The following SLC23A1 variants were observed in gnomAD, a reference collection of about 807,000 sequenced individuals.
SLC23A1 encodes the protein Na(+)/L-ascorbic acid transporter 1.
SLC23A1 carries 31 observed loss-of-function variants against 62.5 expected under a neutral mutation model. The observed-to-expected ratio is 0.50, with a 90% CI of 0.37 to 0.67. The LOEUF (loss-of-function observed/expected upper bound fraction) is 0.67, where lower values mean the gene tolerates loss of function less well. Ranked by LOEUF, SLC23A1 falls within the 30% of genes least tolerant of loss-of-function variation. The pLI, the probability that SLC23A1 is intolerant of heterozygous loss-of-function variation, is 0.00. For synonymous variants in SLC23A1, 271 were observed against 313.2 expected (o/e 0.87, Z 1.42); for missense variants, 640 against 782.7 (o/e 0.82, Z 2.18).
At chr5:139,374,887 G>C (rs6596473) in intron 13 of SLC23A1, among the ~76,000 whole-genome samples, 65,566 of 152,022 alleles carry the variant, frequency 0.43, 15,875 homozygotes, top group East Asian at 0.67. Context: ...GACTGTCTCA[G>C]GCCCATAGGA....
intron 13 of SLC23A1, among the ~76,000 whole-genome samples, chr5:139,375,769 A>T (rs1258186285): frequency 6.7e-6 from 1 of 150,020 alleles, no homozygotes; most frequent in Non-Finnish European, 1.5e-5. Context: ...CAGGAGGCGG[A>T]GGTGGCAGTG....
chr5:139,367,489 T>C lies in SLC23A1; in HGVS notation c.*162A>G, dbSNP rs935009684. 1 of 152,110 alleles carries C rather than the reference T, an allele frequency of 6.6e-6. No individual in the cohort carries two copies. Among genetic ancestry groups the C allele is most frequent in the Non-Finnish European group, 1.5e-5 (1 of 67,996 alleles). 9.4% of individuals were successfully genotyped at this position (152,110 alleles called of 1,614,324 possible). Reference sequence around the variant, plus strand: ...CCATTCCCCCCCACCCCTTTTTTTTTAACTGATGCAAAAATTTGAATCCCA... The same window carrying C: ...CCATTCCCCCCCACCCCTTTTTTTTCAACTGATGCAAAAATTTGAATCCCA... On this transcript the variant is annotated 3_prime_UTR_variant, in exon 15 of 15. Coordinates refer to ENST00000348729, the MANE Select transcript of SLC23A1 (RefSeq NM_005847.5).
At chr5:139,384,693 T>C (rs1758441877), upstream of SLC23A1, 1 of 1,197,498 alleles carries the variant, frequency 8.4e-7, no homozygotes, top group Non-Finnish European at 1.1e-6. Flanking sequence ...ACAACACGCA[T>C]AGAGAACAAG....
At chr5:139,371,759 A>G (rs1757682752) in intron 14 of SLC23A1, among the ~76,000 whole-genome samples, 1 of 152,214 alleles carries the variant, frequency 6.6e-6, no homozygotes. Context: ...GCATACTTGT[A>G]GCCTCTTAGT....
At chr5:139,376,681 G>A (rs1757964478) in intron 13 of SLC23A1, among the ~76,000 whole-genome samples, 1 of 152,212 alleles carries the variant, frequency 6.6e-6, no homozygotes, top group Non-Finnish European at 1.5e-5. Context: ...GGTACCAAAG[G>A]GAAATGTTAG....
In SLC23A1 at chr5:139,372,049, G is replaced by C. The variant is rs569913696; in HGVS notation, c.1754C>G (p.Thr585Ser). The change falls in exon 14 of 15, where the codon ACT becomes AGT. Residue 585 changes from threonine (T) to serine (S), a missense_variant. Coordinates refer to ENST00000348729, the MANE Select transcript of SLC23A1 (RefSeq NM_005847.5). ...SKDQIAIPEDTPENTETASVC... is the reference protein window; with the variant it reads ...SKDQIAIPEDSPENTETASVC... ...AGATGCAGTTTCTGTATTTTCTGGA[G>C]TGTCTTCTGGAATTGCAATCTGATC... The C allele has an allele frequency of 1.4e-5, 23 of 1,613,316 alleles. No homozygotes were observed. Among genetic ancestry groups the C allele is most frequent in the Non-Finnish European group, 2.0e-5 (23 of 1,179,336 alleles).
intron 4 of SLC23A1, 27 bp downstream of exon 4, chr5:139,380,771 C>A: frequency 6.6e-7 from 1 of 1,507,478 alleles, no homozygotes. Flanking sequence ...CCCTTTTCCC[C>A]AGTGCAGACC....
intron 13 of SLC23A1, among the ~76,000 whole-genome samples, chr5:139,373,558 G>A (rs1157674384): frequency 6.6e-6 from 1 of 151,520 alleles, no homozygotes; most frequent in Non-Finnish European, 1.5e-5. Context: ...AGAGGGCTGG[G>A]ATCGACAAAG....
intron 13 of SLC23A1, among the ~76,000 whole-genome samples, chr5:139,374,346 G>A (rs1422430749): frequency 6.6e-6 from 1 of 152,184 alleles, no homozygotes; most frequent in Non-Finnish European, 1.5e-5. Context: ...TACTCGGGAG[G>A]CTGAGGCAGG....
chr5:139,377,924 C>A, intron 12 of SLC23A1, 51 bp downstream of exon 12: 2 of 1,588,092 alleles, frequency 1.3e-6, no homozygotes, highest in Non-Finnish European at 8.6e-7. Context: ...GGGCTGTGCT[C>A]AAAATTTTGG....
chr5:139,372,359 T>A, intron 13 of SLC23A1, 106 bp from the exon 14 acceptor site: 1 of 1,092,654 alleles, frequency 9.2e-7, no homozygotes, highest in Non-Finnish European at 1.3e-6. Context: ...GTATCTTCCT[T>A]AACTATCATT....
At chr5:139,372,341 G>A in intron 13 of SLC23A1, 88 bp from the exon 14 acceptor site, 1 of 1,228,354 alleles carries the variant, frequency 8.1e-7, no homozygotes, top group Non-Finnish European at 1.1e-6. Flanking sequence ...GCAGACTTCT[G>A]GAATCAAGTA....
Position 139,377,975 on chromosome 5 carries a change from C to G in SLC23A1, c.1453G>C (p.Gly485Arg). 1 of 1,613,524 alleles carries G rather than the reference C, an allele frequency of 6.2e-7. No individual in the cohort carries two copies. The highest frequency in any genetic ancestry group is 1.3e-5 in the African/African-American group (1 of 75,044). The change falls in exon 12 of 15, where the codon GGC (glycine) becomes CGC (arginine). Residue 485 changes from glycine to arginine, a missense_variant and splice_region_variant. Coordinates refer to ENST00000348729, the MANE Select transcript of SLC23A1 (RefSeq NM_005847.5). ...LESNPGAINT[G>R]ILEVDQILIV... is the part of the protein sequence containing the mutation. The stretch of plus-strand genomic sequence containing the variant: ...GGAGACAGTAAACAGCTGGAGGCAC[C>G]TGTATTGATGGCGCCAGGGTTGGAC...
At position 139,380,334 on chromosome 5, in the gene SLC23A1, C is replaced by T; in HGVS notation, c.521G>A (p.Gly174Glu). 2 of 1,611,300 alleles carry T rather than the reference C, an allele frequency of 1.2e-6. No homozygotes were observed. Among genetic ancestry groups the T allele is most frequent in the Non-Finnish European group, 1.7e-6 (2 of 1,178,860 alleles). ...GTAGTTGAGCAGGGCCCCAGGCAGCCCCAGCAGGCCAATCACCACCTCCAC... is the reference window on the plus strand; with the variant it reads ...GTAGTTGAGCAGGGCCCCAGGCAGCTCCAGCAGGCCAATCACCACCTCCAC... ...SVVEVVIGLL[G>E]LPGALLNYIG... The change falls in exon 6 of 15, where the codon GGG (glycine) becomes GAG (glutamate). Residue 174 changes from glycine to glutamate, a missense_variant. By Grantham distance (98) the Gly-to-Glu change is moderately conservative. Coordinates refer to ENST00000348729, the MANE Select transcript of SLC23A1 (RefSeq NM_005847.5).
rs767463865 is a variant in SLC23A1 at position 139,377,449 on chromosome 5, A to G, written c.1502T>C (p.Met501Thr). ...GAAAGCAAGGCACCCGCCCACAAAC[A>G]TCTCCGTGGTCAGCAGCACAATCAG... ...QILIVLLTTE[M>T]FVGGCLAFIL... Residue 501 changes from methionine (M) to threonine (T), a missense_variant, in exon 13 of 15, where the codon ATG becomes ACG. Physicochemically the swap from Met to Thr is moderately conservative, Grantham distance 81. Coordinates refer to ENST00000348729, the MANE Select transcript of SLC23A1 (RefSeq NM_005847.5). 1 of 1,611,936 alleles carries G rather than the reference A, an allele frequency of 6.2e-7. No individual in the cohort carries two copies. Among genetic ancestry groups the G allele is most frequent in the Non-Finnish European group, 8.5e-7 (1 of 1,178,114 alleles).
intron 3 of SLC23A1, among the ~76,000 whole-genome samples, chr5:139,381,124 T>G (rs1758236382): frequency 6.6e-6 from 1 of 152,230 alleles, no homozygotes. Context: ...CACCAGCTCC[T>G]GCACTGTGAG....
At chr5:139,384,627 C>G, upstream of SLC23A1, 1 of 1,238,490 alleles carries the variant, frequency 8.1e-7, no homozygotes, top group Non-Finnish European at 1.0e-6. Flanking sequence ...CTGTGGAGAC[C>G]AAGCCCGACC....
chr5:139,368,902 A>C (rs1757475122), intron 14 of SLC23A1: 2 of 807,960 alleles, frequency 2.5e-6, no homozygotes, highest in South Asian at 3.4e-5. Flanking sequence ...TGTTACACTT[A>C]TGCATTGCCA....
intron 14 of SLC23A1, among the ~76,000 whole-genome samples, chr5:139,368,241 GAGAC>G (rs1757410285): frequency 1.3e-5 from 2 of 152,240 alleles, no homozygotes; most frequent in Non-Finnish European, 2.9e-5. Context: ...AGGAGGATGA[GAGAC>G]AGGAGAATGG....
Sources: gnomAD v4.1 joint callset for allele counts (sites outside exome capture counted in the v4.1 genomes callset) on GRCh38, gnomAD v4.1.1 for gene constraint, MANE v1.5 for transcripts, NCBI Gene and HGNC (gene_info 2026-07-23, HGNC 2026-07-21) for gene names.